TNRC6B: variants seen among roughly 807,000 people sequenced by gnomAD.
TNRC6B encodes the protein trinucleotide repeat-containing gene 6B protein.
A neutral mutation model predicts 203.6 loss-of-function variants in TNRC6B; 52 were observed. The observed-to-expected ratio is 0.26, with a 90% CI of 0.20 to 0.32. The LOEUF is 0.32. Ranked by LOEUF, TNRC6B falls within the 10% of genes least tolerant of loss-of-function variation. The pLI is 1.00. For missense variants in TNRC6B, 1,923 were observed against 2,286.2 expected (o/e 0.84, Z 3.24); for synonymous variants, 838 against 845.7 (o/e 0.99, Z 0.16).
intron 1 of TNRC6B, among the ~76,000 whole-genome samples, chr22:40,241,352 C>T (rs1355276596): frequency 2.6e-5 from 4 of 152,164 alleles, no homozygotes; most frequent in Admixed American, 2.6e-4. Flanking sequence ...TCATGACCAC[C>T]ACTTACTCTT....
At chr22:40,221,761 C>CCCCT (rs11407329) in intron 1 of TNRC6B, among the ~76,000 whole-genome samples, 24 of 134,280 alleles carry the variant, frequency 1.8e-4, no homozygotes, top group South Asian at 5.0e-4. Context: ...GCCCCCCCCC[C>CCCCT]TTTTTTTTTT....
At chr22:40,209,011 A>T (rs1165472753) in intron 1 of TNRC6B, among the ~76,000 whole-genome samples, 1 of 152,214 alleles carries the variant, frequency 6.6e-6, no homozygotes, top group African/African-American at 2.4e-5. Flanking sequence ...AGCACCGTCA[A>T]CATTTTTATC....
intron 12 of TNRC6B, among the ~76,000 whole-genome samples, chr22:40,293,693 G>A (rs535679978): frequency 1.3e-5 from 2 of 152,056 alleles, no homozygotes; most frequent in Admixed American, 6.6e-5. Context: ...CTTGCTCCTT[G>A]TCTGCCCTGC....
At chr22:40,222,726 C>CT (rs1601896876) in intron 1 of TNRC6B, among the ~76,000 whole-genome samples, 3 of 79,070 alleles carry the variant, frequency 3.8e-5, no homozygotes, top group African/African-American at 1.4e-4. Flanking sequence ...CTCTCTCTCT[C>CT]TCTTTTTTTT....
chr22:40,190,038 AT>A (rs1305382382), intron 1 of TNRC6B, among the ~76,000 whole-genome samples: 1 of 152,200 alleles, frequency 6.6e-6, no homozygotes, highest in Non-Finnish European at 1.5e-5. Flanking sequence ...AAAGTTTGGC[AT>A]TTGGGAACCA....
chr22:40,203,193 A>C (rs878980689), intron 1 of TNRC6B, among the ~76,000 whole-genome samples: 2 of 152,060 alleles, frequency 1.3e-5, no homozygotes, highest in African/African-American at 2.4e-5. Flanking sequence ...TTTTGGTTCT[A>C]AGCTATGGGT....
chr22:40,075,374 A>G (rs1176145923), intron 1 of TNRC6B, among the ~76,000 whole-genome samples: 1 of 151,348 alleles, frequency 6.6e-6, no homozygotes, highest in Non-Finnish European at 1.5e-5. Flanking sequence ...GCCCTTTGTA[A>G]TTATAGAACG....
intron 1 of TNRC6B, among the ~76,000 whole-genome samples, chr22:40,067,926 C>G (rs2067910389): frequency 6.6e-6 from 1 of 152,098 alleles, no homozygotes; most frequent in African/African-American, 2.4e-5. Context: ...AAGTTGATAC[C>G]TAAAATTAAC....
Position 40,207,418 on chromosome 22 carries a change from A to AAAT in TNRC6B, c.5+29279_5+29280insATA, listed in dbSNP as rs1475466762. On this transcript the variant is annotated intron_variant, in intron 1 of 22. Transcript: ENST00000454349. ...TGAGACCCTGCCTCAAAAAAAAAAA[A>AAAT]ATATATATATATATATATATATATA... is the stretch of plus-strand genomic sequence containing the variant. Among the ~76,000 whole-genome samples the AAAT allele has an allele frequency of 5.6e-4, 72 of 128,844 alleles. 1 individual carries two copies. The highest frequency in any genetic ancestry group is 1.3e-3 in the East Asian group (6 of 4,696). 84.5% of individuals were successfully genotyped at this position (128,844 alleles called of 152,430 possible).
At position 40,264,865 on chromosome 22, in the gene TNRC6B, C is replaced by T. The variant is rs900033112; in HGVS notation, c.635C>T (p.Ser212Phe). 6.2e-7 allele frequency: 1 copy of T among 1,613,772 alleles called. No homozygotes were observed. Among genetic ancestry groups the T allele is most frequent in the African/African-American group, 1.3e-5 (1 of 74,890 alleles). ...CIASKDTESS[S>F]ENTTDNNSAS... ...GCCAGCAAAGACACTGAATCTTCTTCCGAAAACACCACCGATAACAACAGT... is the reference window on the plus strand; with the variant it reads ...GCCAGCAAAGACACTGAATCTTCTTTCGAAAACACCACCGATAACAACAGT... Residue 212 changes from serine to phenylalanine, a missense_variant, in exon 5 of 23, where the codon TCC becomes TTC. Physicochemically the swap from Ser to Phe is radical, Grantham distance 155. Transcript: ENST00000454349.
chr22:40,267,370 G>A (rs2070496352), intron 5 of TNRC6B, among the ~76,000 whole-genome samples: 1 of 152,210 alleles, frequency 6.6e-6, no homozygotes, highest in Non-Finnish European at 1.5e-5. Context: ...AATTAAAGTA[G>A]TAGCAGAAAT....
chr22:40,183,724 T>G (rs2069165966), intron 1 of TNRC6B, among the ~76,000 whole-genome samples: 1 of 151,502 alleles, frequency 6.6e-6, no homozygotes, highest in Non-Finnish European at 1.5e-5. Context: ...TGAGATGGAG[T>G]CACTCTGTCG....
In TNRC6B at chr22:40,083,358, A is replaced by G. The variant is rs182271444; in HGVS notation, c.-120-33697A>G. On this transcript the variant is annotated intron_variant, in intron 1 of 23. Transcript: ENST00000301923. ...TGAATTGAGTGCTGCTGAAAGGGTT[A>G]CATGAACTATTCATTGGATTGGCAG... Among the ~76,000 whole-genome samples the G allele has an allele frequency of 2.8e-4, 43 of 152,344 alleles. 2 individuals carry two copies. The East Asian group carries it at 4.6e-3, about 16-fold the overall frequency.
chr22:40,321,429 TCAGAGG>T, intron 22 of TNRC6B, 200 bp downstream of exon 22: 1 of 555,482 alleles, frequency 1.8e-6, no homozygotes, highest in South Asian at 2.9e-5. Context: ...CCTGTATATA[TCAGAGG>T]CCAGTCGTCA....
rs756943514 is a variant in TNRC6B, at chr22:40,266,093, T to G, written c.1863T>G (p.Thr621=). 3 of 1,613,732 alleles carry G rather than the reference T, an allele frequency of 1.9e-6. No individual in the cohort carries two copies. Among genetic ancestry groups the G allele is most frequent in the African/African-American group, 2.7e-5 (2 of 74,924 alleles). Residue 621 remains threonine, a synonymous_variant, in exon 5 of 23, where the codon ACT becomes ACG. Coordinates refer to ENST00000454349, the MANE Select transcript of TNRC6B (RefSeq NM_001162501.2). ...TGGACCCCAGGGTGCTCTCAAACAC[T>G]GGCTGGGGCCAAACTCAAATTAAGC... is the stretch of plus-strand genomic sequence containing the variant. The part of the protein sequence containing the change: ...TDLDPRVLSN[T]GWGQTQIKQD...
intron 15 of TNRC6B, among the ~76,000 whole-genome samples, chr22:40,304,455 G>A (rs551562840): frequency 7.9e-5 from 12 of 152,304 alleles, no homozygotes; most frequent in Non-Finnish European, 1.5e-4. Flanking sequence ...AGGTGATAAT[G>A]ACCTATCTAA....
rs763534155 is a variant in TNRC6B at position 40,335,655 on chromosome 22, TTTTG to T, written c.*12418_*12421del. ...TTTTTTGGGCTTTTAAACAGCTTAT[TTTTG>T]TTTTTGTTTAGTTTTTTTATTTTAT... On this transcript the variant is annotated 3_prime_UTR_variant, in exon 23 of 23. Transcript: ENST00000454349. 1.5e-4 allele frequency: 23 copies of T among 151,764 alleles called. No homozygotes were observed. The highest frequency in any genetic ancestry group is 2.8e-4 in the Non-Finnish European group (19 of 67,888). 9.4% of individuals were successfully genotyped at this position (151,764 alleles called of 1,614,324 possible). A position where few individuals can be genotyped will look rare whatever the true frequency, so the allele number is the denominator to read the frequency against.
chr22:40,292,971 C>G (rs2070888391), intron 12 of TNRC6B, among the ~76,000 whole-genome samples: 1 of 152,198 alleles, frequency 6.6e-6, no homozygotes, highest in South Asian at 2.1e-4. Context: ...TTGCACTTAA[C>G]CCATATAGTA....
intron 3 of TNRC6B, among the ~76,000 whole-genome samples, chr22:40,127,706 C>CA (rs2068506295): frequency 6.6e-6 from 1 of 151,988 alleles, no homozygotes; most frequent in Non-Finnish European, 1.5e-5. Flanking sequence ...ACCCTGTCTC[C>CA]AAAAAATACA....
Sources: allele counts gnomAD v4.1 joint callset (sites outside exome capture counted in the v4.1 genomes callset), GRCh38; gene constraint gnomAD v4.1.1; transcripts MANE v1.5; gene names NCBI Gene and HGNC (gene_info 2026-07-23, HGNC 2026-07-21).